The following ANKRD12 variants were observed in gnomAD, a reference collection of about 807,000 sequenced individuals.
The protein encoded by ANKRD12 is ankyrin repeat domain-containing protein 12.
In ANKRD12, 85 loss-of-function variants were observed where a neutral mutation model predicts 183.4. The ratio of observed to expected loss-of-function variants is 0.46; its 90% CI spans 0.39 to 0.56. The LOEUF is 0.56. ANKRD12 is among the 20% of genes least tolerant of loss of function. The pLI, the probability that ANKRD12 is intolerant of heterozygous loss-of-function variation, is 0.00. For synonymous variants in ANKRD12, 914 were observed against 800.2 expected (o/e 1.14, Z -2.40); for missense variants, 2,405 against 2,357.1 (o/e 1.02, Z -0.42).
intron 8 of ANKRD12, among the ~76,000 whole-genome samples, chr18:9,223,725 C>T (rs1026145261): frequency 1.3e-5 from 2 of 151,904 alleles, no homozygotes; most frequent in Non-Finnish European, 2.9e-5. Flanking sequence ...GTTAGAAATA[C>T]AAGATAAAAT....
chr18:9,206,626 G>A (rs938728981), intron 4 of ANKRD12, among the ~76,000 whole-genome samples: 1 of 152,020 alleles, frequency 6.6e-6, no homozygotes, highest in Admixed American at 6.6e-5. Flanking sequence ...TATGGTAACT[G>A]AAAGAAAATA....
chr18:9,167,468 T>C (rs2032199351), intron 1 of ANKRD12, among the ~76,000 whole-genome samples: 1 of 152,160 alleles, frequency 6.6e-6, no homozygotes, highest in African/African-American at 2.4e-5. Flanking sequence ...TATTTTATTC[T>C]CTTTGAAGCA....
At chr18:9,275,020 CA>C (rs899563377) in intron 10 of ANKRD12, among the ~76,000 whole-genome samples, 69 of 150,086 alleles carry the variant, frequency 4.6e-4, no homozygotes, top group African/African-American at 3.9e-4. Flanking sequence ...CCTGTTTCTA[CA>C]AAAAAAAATT....
chr18:9,211,724 G>A lies in ANKRD12; in HGVS notation c.592G>A (p.Val198Met), dbSNP rs1441064253. ...ACACATGGCTGCTATTCGAGGAGAT[G>A]TGAAACAAGTTAAAGAATTAATAAG... ...PLHMAAIRGD[V>M]KQVKELISLG... The change falls in exon 6 of 13, where the codon GTG becomes ATG. Residue 198 changes from valine (V) to methionine (M), a missense_variant. Physicochemically the swap from Val to Met is conservative, Grantham distance 21 (BLOSUM62 1). Around this residue, in one of 7 missense-constraint regions of ANKRD12, gnomAD observed 39 missense variants for 104.8 expected, o/e 0.37. Coordinates refer to ENST00000262126, the MANE Select transcript of ANKRD12 (RefSeq NM_015208.5). 6 of 1,613,658 alleles carry A rather than the reference G, an allele frequency of 3.7e-6. No individual in the cohort carries two copies. The highest frequency in any genetic ancestry group is 3.3e-5 in the South Asian group (3 of 91,088).
chr18:9,266,978 T>A (rs963078273), intron 10 of ANKRD12, among the ~76,000 whole-genome samples: 1 of 151,984 alleles, frequency 6.6e-6, no homozygotes, highest in Non-Finnish European at 1.5e-5. Flanking sequence ...TAGTCTCTGA[T>A]AAAACAGACT....
intron 1 of ANKRD12, among the ~76,000 whole-genome samples, chr18:9,151,179 C>T (rs2078673701): frequency 6.6e-6 from 1 of 152,158 alleles, no homozygotes; most frequent in African/African-American, 2.4e-5. Context: ...GTTAATATCT[C>T]AGAAGCACAA....
chr18:9,149,753 A>G (rs1469929297), intron 1 of ANKRD12, among the ~76,000 whole-genome samples: 1 of 151,404 alleles, frequency 6.6e-6, no homozygotes, highest in Non-Finnish European at 1.5e-5. Flanking sequence ...TAGCTAAAGC[A>G]AACCGACTAT....
intron 8 of ANKRD12, among the ~76,000 whole-genome samples, chr18:9,234,147 C>T (rs2037209570): frequency 6.6e-6 from 1 of 152,128 alleles, no homozygotes; most frequent in Admixed American, 6.5e-5. Context: ...GTACACAGGC[C>T]CCAGCACAAA....
intron 8 of ANKRD12, among the ~76,000 whole-genome samples, chr18:9,246,907 A>G (rs1289862085): frequency 6.6e-6 from 1 of 152,148 alleles, no homozygotes; most frequent in Admixed American, 6.5e-5. Flanking sequence ...AGAGATTTGA[A>G]CCTAGGGCTA....
intron 1 of ANKRD12, among the ~76,000 whole-genome samples, chr18:9,165,941 A>C (rs557055344): frequency 6.9e-6 from 1 of 144,406 alleles, no homozygotes; most frequent in Non-Finnish European, 1.5e-5. Context: ...TCATTGTTCA[A>C]TTACCACCTA....
chr18:9,157,560 T>TGG (rs1413532369), intron 1 of ANKRD12, among the ~76,000 whole-genome samples: 19 of 103,274 alleles, frequency 1.8e-4, no homozygotes, highest in African/African-American at 4.6e-4. Flanking sequence ...GGTGTGTGTG[T>TGG]GTGTGTGTGT....
chr18:9,236,602 T>G (rs561699709), intron 8 of ANKRD12, among the ~76,000 whole-genome samples: 8 of 151,932 alleles, frequency 5.3e-5, no homozygotes, highest in African/African-American at 1.7e-4. Flanking sequence ...AAGAGAATCA[T>G]GAAAGAAAAG....
intron 8 of ANKRD12, among the ~76,000 whole-genome samples, chr18:9,232,387 T>G (rs142776619): frequency 1.3e-3 from 205 of 152,348 alleles, no homozygotes; most frequent in African/African-American, 4.6e-3. Context: ...ATAATTTTGT[T>G]GGATGTAGTA....
At chr18:9,204,995 A>G (rs756656022) in intron 4 of ANKRD12, among the ~76,000 whole-genome samples, 2 of 152,138 alleles carry the variant, frequency 1.3e-5, no homozygotes, top group African/African-American at 2.4e-5. Flanking sequence ...ATTTAATACA[A>G]TTTTTTTCCA....
chr18:9,174,196 C>T (rs907846323), intron 1 of ANKRD12, among the ~76,000 whole-genome samples: 4 of 152,208 alleles, frequency 2.6e-5, no homozygotes, highest in Admixed American at 6.5e-5. Context: ...AAATGGCAGC[C>T]GCCCCTCCCC....
intron 9 of ANKRD12, among the ~76,000 whole-genome samples, chr18:9,262,165 G>C (rs1352790999): frequency 6.6e-6 from 1 of 152,138 alleles, no homozygotes; most frequent in Non-Finnish European, 1.5e-5. Context: ...TGTAGAGCCA[G>C]GTGTGATTTT....
intron 3 of ANKRD12, among the ~76,000 whole-genome samples, chr18:9,201,248 A>G (rs2035147244): frequency 6.6e-6 from 1 of 152,210 alleles, no homozygotes; most frequent in South Asian, 2.1e-4. Context: ...TTAATAATTA[A>G]TAAAGTTTCC....
At chr18:9,137,354 C>T (rs1015606917) in intron 1 of ANKRD12, among the ~76,000 whole-genome samples, 20 of 146,622 alleles carry the variant, frequency 1.4e-4, no homozygotes, top group Admixed American at 4.7e-4. Flanking sequence ...CGCGGGCGCC[C>T]CTCACCGCGG....
chr18:9,196,853 T>C lies in ANKRD12; in HGVS notation c.235+1155T>C, dbSNP rs777817741. On this transcript the variant is annotated intron_variant, in intron 3 of 12. Coordinates refer to ENST00000262126, the MANE Select transcript of ANKRD12 (RefSeq NM_015208.5). ...TGAGAGATTCAGAATCTTTTTTTTTTCCCCCCGAAGCATCCTAAGTGATAC... is the reference window on the plus strand; with the variant it reads ...TGAGAGATTCAGAATCTTTTTTTTTCCCCCCCGAAGCATCCTAAGTGATAC... Among the ~76,000 whole-genome samples the C allele has an allele frequency of 9.0e-4, 137 of 152,100 alleles. 1 individual carries two copies. The highest frequency in any genetic ancestry group is 8.7e-4 in the Non-Finnish European group (59 of 67,968).
Sources: allele counts gnomAD v4.1 joint callset (sites outside exome capture counted in the v4.1 genomes callset), GRCh38; gene constraint gnomAD v4.1.1; regional missense constraint gnomAD v4.1.1; transcripts MANE v1.5; gene names NCBI Gene and HGNC (gene_info 2026-07-23, HGNC 2026-07-21).